GLB1L2: variants seen among roughly 807,000 people sequenced by gnomAD.
GLB1L2 encodes the protein galactosidase beta 1 like 2.
GLB1L2 carries 68 observed loss-of-function variants against 84.1 expected under a neutral mutation model. The ratio of observed to expected loss-of-function variants is 0.81; its 90% confidence interval spans 0.67 to 0.99. The LOEUF (loss-of-function observed/expected upper bound fraction) is 0.99. GLB1L2 is among the 50% of genes least tolerant of loss of function. GLB1L2 has a pLI of 0.00. For synonymous variants in GLB1L2, 290 were observed against 318.0 expected (o/e 0.91, Z 0.94); for missense variants, 762 against 805.6 (o/e 0.95, Z 0.66).
Position 134,338,078 on chromosome 11 carries a change from G to GTGA in GLB1L2, c.87-4675_87-4673dup, listed in dbSNP as rs1451803620. ...ATGCTGGTGGCCAGCCTCGGACTGC[G>GTGA]TGAGTGCTGCCTGGTCTCCACCGGC... is the stretch of plus-strand genomic sequence containing the variant. On this transcript the variant is annotated intron_variant, in intron 1 of 18. Coordinates refer to ENST00000535456, the MANE Select transcript of GLB1L2 (RefSeq NM_001370461.1). This position sits in a 1 kb window ranked among gnomAD's most constrained non-coding sequence, Gnocchi z 6.2. 6.6e-6 allele frequency among the ~76,000 whole-genome samples: 1 copy of GTGA among 152,146 alleles called. No homozygotes were observed. Among genetic ancestry groups the GTGA allele is most frequent in the African/African-American group, 2.4e-5 (1 of 41,430 alleles).
intron 9 of GLB1L2, among the ~76,000 whole-genome samples, chr11:134,368,160 T>C (rs1943891076): frequency 6.6e-6 from 1 of 152,392 alleles, no homozygotes. Context: ...TGCATTTCTT[T>C]GATTTATATT....
rs1461836151 is a variant in GLB1L2, at chr11:134,375,012, A to G, written c.1865A>G (p.Gln622Arg). 6 of 1,613,742 alleles carry G rather than the reference A, an allele frequency of 3.7e-6. No homozygotes were observed. The highest frequency in any genetic ancestry group is 5.1e-6 in the Non-Finnish European group (6 of 1,179,978). Reference protein sequence around the residue: ...FEETMAGPALQFTETPHLGRN... With the variant: ...FEETMAGPALRFTETPHLGRN... ...GAGACGATGGCGGGCCCTGCATTAC[A>G]GTTCACGGAAACCCCCCACCTGGGC... Residue 622 changes from glutamine to arginine, a missense_variant, in exon 19 of 19, where the codon CAG (glutamine) becomes CGG (arginine). Around this residue, in one of 3 missense-constraint regions of GLB1L2, gnomAD observed 603 missense variants for 611.7 expected, o/e 0.99. Transcript: ENST00000535456.
chr11:134,368,037 G>A (rs1231575277), intron 9 of GLB1L2, among the ~76,000 whole-genome samples: 4 of 152,170 alleles, frequency 2.6e-5, no homozygotes, highest in Non-Finnish European at 4.4e-5. Context: ...CCGGAAAGAC[G>A]GCAGCTTCAG....
rs1300341516 is a variant in GLB1L2, at chr11:134,356,311, G to A, written c.569G>A (p.Gly190Glu). The change falls in exon 6 of 19, where the codon GGG becomes GAG. Residue 190 changes from glycine (G) to glutamate (E), a missense_variant. Gly to Glu is a moderately conservative substitution (Grantham distance 98). Coordinates refer to ENST00000535456, the MANE Select transcript of GLB1L2 (RefSeq NM_001370461.1). Reference protein sequence around the residue: ...SRVVPLQYKRGGPIIAVQVEN... With the variant: ...SRVVPLQYKREGPIIAVQVEN... Reference sequence around the variant, plus strand: ...GTCTTTTCTCCGCAGTACAAGCGTGGGGGACCTATCATTGCCGTGCAGGTG... The same window carrying A: ...GTCTTTTCTCCGCAGTACAAGCGTGAGGGACCTATCATTGCCGTGCAGGTG... The A allele has an allele frequency of 1.9e-6, 3 of 1,613,764 alleles. No homozygotes were observed. Among genetic ancestry groups the A allele is most frequent in the African/African-American group, 1.3e-5 (1 of 74,914 alleles).
intron 15 of GLB1L2, chr11:134,372,687 G>A (rs1440576547): frequency 5.9e-5 from 9 of 152,360 alleles, no homozygotes; most frequent in African/African-American, 1.7e-4. Flanking sequence ...CGGTGTCTGC[G>A]TTTGTGACGG....
rs1943414463 is a variant in GLB1L2 at position 134,338,223 on chromosome 11, G to A, written c.87-4531G>A. Among the ~76,000 whole-genome samples the A allele has an allele frequency of 6.6e-6, 1 of 152,180 alleles. No individual in the cohort carries two copies. The highest frequency in any genetic ancestry group is 2.1e-4 in the South Asian group (1 of 4,828). On this transcript the variant is annotated intron_variant, in intron 1 of 18. Transcript: ENST00000535456. The surrounding 1 kb of genome is among the most constrained non-coding windows in gnomAD (Gnocchi z 6.2). ...TGGCAGACCAGAAAGAGATGACTGT[G>A]ACCCCAGTGAGGCCTCCCAGCCGTA...
chr11:134,358,694 A>G (rs1943739371), intron 6 of GLB1L2, among the ~76,000 whole-genome samples: 1 of 152,232 alleles, frequency 6.6e-6, no homozygotes, highest in East Asian at 1.9e-4. Context: ...GGCCTGACCT[A>G]CTCGCTGGAG....
In GLB1L2 at chr11:134,374,609, A is replaced by G; in HGVS notation, c.1715A>G (p.Glu572Gly). ...CDTFLKLEGW[E>G]KGVVFINGQN... ...CTTCCCCTCTGTTTCAAGGGCTGGG[A>G]GAAGGGGGTTGTATTCATCAATGGC... Residue 572 changes from glutamate to glycine, a missense_variant, in exon 18 of 19, where the codon GAG (glutamate) becomes GGG (glycine). Glu to Gly is a moderately conservative substitution (Grantham distance 98). Around this residue, in one of 3 missense-constraint regions of GLB1L2, gnomAD observed 603 missense variants for 611.7 expected, o/e 0.99. Transcript: ENST00000535456. The G allele has an allele frequency of 6.2e-7, 1 of 1,613,118 alleles. No homozygotes were observed. Among genetic ancestry groups the G allele is most frequent in the Non-Finnish European group, 8.5e-7 (1 of 1,179,202 alleles).
intron 8 of GLB1L2, among the ~76,000 whole-genome samples, chr11:134,365,313 C>T (rs1020407743): frequency 8.5e-5 from 13 of 152,354 alleles, no homozygotes; most frequent in Admixed American, 7.8e-4. Context: ...CGCTCCCAGG[C>T]AGGCTCCTGT....
intron 4 of GLB1L2, 148 bp from the exon 5 acceptor site, chr11:134,347,177 T>G (rs1167070783): frequency 1.5e-6 from 1 of 685,280 alleles, no homozygotes; most frequent in African/African-American, 1.8e-5. Context: ...TTGCATTGTC[T>G]CCCCACTTCT....
Position 134,334,774 on chromosome 11 carries a change from G to T in GLB1L2, c.86+2627G>T, listed in dbSNP as rs2136253260. Among the ~76,000 whole-genome samples, 1 of 152,140 alleles carries T rather than the reference G, an allele frequency of 6.6e-6. No homozygotes were observed. The highest frequency in any genetic ancestry group is 2.4e-5 in the African/African-American group (1 of 41,488). ...AATCTTAAAGCATGTTTTCCTTTTT[G>T]GTCTGGCTTCTTTCACTCAGAGTAT... On this transcript the variant is annotated intron_variant, in intron 1 of 18. Coordinates refer to ENST00000535456, the MANE Select transcript of GLB1L2 (RefSeq NM_001370461.1). This position sits in a 1 kb window ranked among gnomAD's most constrained non-coding sequence, Gnocchi z 4.1.
At chr11:134,365,462 G>C (rs937370681) in intron 8 of GLB1L2, among the ~76,000 whole-genome samples, 2 of 152,228 alleles carry the variant, frequency 1.3e-5, no homozygotes, top group South Asian at 2.1e-4. Context: ...GCCCTGTGCT[G>C]TGTGACCTTG....
intron 18 of GLB1L2, 35 bp downstream of exon 18, chr11:134,374,753 C>A: frequency 6.5e-7 from 1 of 1,533,256 alleles, no homozygotes; most frequent in South Asian, 1.1e-5. Context: ...TTCCCCATGA[C>A]GCCCTGCCCA....
rs1302573533 is a variant in GLB1L2 at position 134,370,625 on chromosome 11, TG to T, written c.1215+228del. On this transcript the variant is annotated intron_variant, in intron 12 of 18. Coordinates refer to ENST00000535456, the MANE Select transcript of GLB1L2 (RefSeq NM_001370461.1). This position sits in a 1 kb window ranked among gnomAD's most constrained non-coding sequence, Gnocchi z 4.7. The stretch of plus-strand genomic sequence containing the variant: ...CAGAGGGAAGAGGACAGACTCATGC[TG>T]GAGTGTGAAGTGGGAGAAACAGAGG... Among the ~76,000 whole-genome samples the T allele has an allele frequency of 6.6e-6, 1 of 152,058 alleles. No homozygotes were observed.
chr11:134,342,240 G>T (rs999039483), intron 1 of GLB1L2, among the ~76,000 whole-genome samples: 11 of 152,100 alleles, frequency 7.2e-5, no homozygotes, highest in Non-Finnish European at 1.2e-4. Flanking sequence ...ACCTCGTGGG[G>T]GGTGCGCGGT....
At position 134,373,714 on chromosome 11, in the gene GLB1L2, C is replaced by T; in HGVS notation, c.1508-7C>T. 6.2e-7 allele frequency: 1 copy of T among 1,602,838 alleles called. No individual in the cohort carries two copies. The highest frequency in any genetic ancestry group is 8.5e-7 in the Non-Finnish European group (1 of 1,170,928). On this transcript the variant is annotated splice_polypyrimidine_tract_variant and splice_region_variant and intron_variant, in intron 15 of 18. Coordinates refer to ENST00000535456, the MANE Select transcript of GLB1L2 (RefSeq NM_001370461.1). The stretch of plus-strand genomic sequence containing the variant: ...GGCTACCCACGTGTCCTGCCTCCCT[C>T]CCACAGGCTTAATTGGAAATCTCTA...
chr11:134,370,481 G>A lies in GLB1L2; in HGVS notation c.1215+82G>A, dbSNP rs543216011. ...AGGGAGGTGAGTGCTGGGGGCAGTC[G>A]TCGGCGGGAGGTGAGAGTCGTCGGG... is the stretch of plus-strand genomic sequence containing the variant. On this transcript the variant is annotated intron_variant, in intron 12 of 18. Transcript: ENST00000535456. The surrounding 1 kb of genome is among the most constrained non-coding windows in gnomAD (Gnocchi z 4.7). The A allele has an allele frequency of 2.7e-5, 30 of 1,093,014 alleles. No homozygotes were observed. Among genetic ancestry groups the A allele is most frequent in the Admixed American group, 2.4e-4 (14 of 57,356 alleles). The allele number at this position is 1,093,014 out of a possible 1,614,324, so 67.7% of individuals were successfully genotyped here.
At position 134,375,217 on chromosome 11, in the gene GLB1L2, C is replaced by A; in HGVS notation, c.*159C>A. On this transcript the variant is annotated 3_prime_UTR_variant, in exon 19 of 19. Transcript: ENST00000535456. ...AGTCTGCCCCTGTCTCAGCTCAAAA[C>A]CCTAAGCCTGCAGGGAAAGGTGGGA... 1.7e-6 allele frequency: 1 copy of A among 600,656 alleles called. No homozygotes were observed. The highest frequency in any genetic ancestry group is 2.9e-6 in the Non-Finnish European group (1 of 340,166). 37.2% of individuals were successfully genotyped at this position (600,656 alleles called of 1,614,324 possible).
rs530345614 is a variant in GLB1L2, at chr11:134,371,659, C to G, written c.1429-93C>G. The G allele has an allele frequency of 5.8e-4, 761 of 1,301,434 alleles. 1 individual carries two copies. The highest frequency in any genetic ancestry group is 8.0e-4 in the Non-Finnish European group (720 of 900,778). 80.6% of individuals were successfully genotyped at this position (1,301,434 alleles called of 1,614,324 possible). On this transcript the variant is annotated intron_variant, in intron 14 of 18. Coordinates refer to ENST00000535456, the MANE Select transcript of GLB1L2 (RefSeq NM_001370461.1). ...CCAGCTGGGATGTACACTCCCATCC[C>G]CAGAGCGTAGGGAAGAACTGGGGTC...
Sources: gnomAD v4.1 joint callset for allele counts (sites outside exome capture counted in the v4.1 genomes callset) on GRCh38, gnomAD v4.1.1 for gene constraint, gnomAD v4.1.1 regional missense constraint, Gnocchi (gnomAD v3.1) non-coding constraint, MANE v1.5 for transcripts, NCBI Gene and HGNC (gene_info 2026-07-23, HGNC 2026-07-21) for gene names.